The following CHRM2 variants were observed in gnomAD, a reference collection of about 807,000 sequenced individuals.
CHRM2 encodes muscarinic acetylcholine receptor M2.
A neutral mutation model predicts 25.0 loss-of-function variants in CHRM2; 8 were observed. That is an observed-to-expected ratio of 0.32 (90% CI 0.19 to 0.58). CHRM2 has a LOEUF of 0.58. Ranked by LOEUF, CHRM2 falls within the 20% of genes least tolerant of loss-of-function variation. CHRM2 has a pLI of 0.88. For missense variants in CHRM2, 440 were observed against 567.1 expected (o/e 0.78, Z 2.28); for synonymous variants, 202 against 205.7 (o/e 0.98, Z 0.15).
At chr7:136,956,071 A>G (rs1445757961) in intron 2 of CHRM2, among the ~76,000 whole-genome samples, 1 of 152,190 alleles carries the variant, frequency 6.6e-6, no homozygotes, top group Non-Finnish European at 1.5e-5. Context: ...ATTAGATTCC[A>G]GTTCACTCTG....
At chr7:137,010,581 C>T (rs150900124) in intron 3 of CHRM2, among the ~76,000 whole-genome samples, 30 of 152,036 alleles carry the variant, frequency 2.0e-4, no homozygotes, top group Non-Finnish European at 3.5e-4. Context: ...GGAAGAGGAA[C>T]GATTCCACAT....
At chr7:136,983,051 C>T (rs977852766) in intron 2 of CHRM2, among the ~76,000 whole-genome samples, 5 of 152,128 alleles carry the variant, frequency 3.3e-5, no homozygotes, top group Non-Finnish European at 7.3e-5. Context: ...AACTTGGTTC[C>T]GTTCTCCCCA....
At chr7:136,915,542 A>G (rs188698482) in intron 2 of CHRM2, among the ~76,000 whole-genome samples, 61 of 151,974 alleles carry the variant, frequency 4.0e-4, no homozygotes, top group Admixed American at 1.9e-3. Context: ...AAGTATTGGA[A>G]CATGTTCTAG....
chr7:136,978,604 C>T (rs540055315), intron 2 of CHRM2, among the ~76,000 whole-genome samples: 11 of 152,210 alleles, frequency 7.2e-5, no homozygotes, highest in African/African-American at 2.6e-4. Context: ...CTTCCCTTGA[C>T]CCACACCCCC....
At chr7:136,924,093 T>A (rs918168396) in intron 2 of CHRM2, among the ~76,000 whole-genome samples, 1 of 152,170 alleles carries the variant, frequency 6.6e-6, no homozygotes, top group Non-Finnish European at 1.5e-5. Flanking sequence ...CTTCTGCAAA[T>A]AAGCATGTTA....
chr7:136,896,578 G>T (rs1329590206), intron 2 of CHRM2, among the ~76,000 whole-genome samples: 1 of 152,072 alleles, frequency 6.6e-6, no homozygotes, highest in Non-Finnish European at 1.5e-5. Context: ...GTGTGTGTGT[G>T]TTTTCATATG....
rs570710034 is a variant in CHRM2 at position 136,915,260 on chromosome 7, G to A, written c.-125+45842G>A. On this transcript the variant is annotated intron_variant, in intron 2 of 3. Transcript: ENST00000680005. Reference sequence around the variant, plus strand: ...AGTAAAGTTAAATAATTTTCTTAAAGTTATAAAGTACAGTCTTACATTATC... The same window carrying A: ...AGTAAAGTTAAATAATTTTCTTAAAATTATAAAGTACAGTCTTACATTATC... 2.6e-5 allele frequency among the ~76,000 whole-genome samples: 4 copies of A among 152,002 alleles called. No homozygotes were observed. In the South Asian group the frequency reaches 6.2e-4, roughly 24 times the overall value.
chr7:137,010,369 C>T (rs1470630934), intron 3 of CHRM2, among the ~76,000 whole-genome samples: 1 of 152,070 alleles, frequency 6.6e-6, no homozygotes, highest in East Asian at 1.9e-4. Context: ...ACCAAATGGG[C>T]TATTGCTATA....
At chr7:136,876,243 G>C (rs1041121180) in intron 2 of CHRM2, among the ~76,000 whole-genome samples, 4 of 152,122 alleles carry the variant, frequency 2.6e-5, no homozygotes, top group Non-Finnish European at 4.4e-5. Flanking sequence ...ATTTACAAAG[G>C]AGTTAACTTA....
At chr7:136,895,780 T>C (rs974432982) in intron 2 of CHRM2, among the ~76,000 whole-genome samples, 1 of 152,204 alleles carries the variant, frequency 6.6e-6, no homozygotes, top group Non-Finnish European at 1.5e-5. Context: ...AATAAGGATT[T>C]GATTTCAGAA....
chr7:136,992,417 G>A lies in CHRM2; in HGVS notation c.-47+153G>A, dbSNP rs117893495. On this transcript the variant is annotated intron_variant, in intron 3 of 3. Coordinates refer to ENST00000680005, the MANE Select transcript of CHRM2 (RefSeq NM_001006630.2). The stretch of plus-strand genomic sequence containing the variant: ...TTATGAAATAATATTAATCTGGGTT[G>A]TCGTGTTAGGATATTTCTATTAACT... Among the ~76,000 whole-genome samples the A allele has an allele frequency of 6.4e-4, 97 of 152,262 alleles. 2 individuals carry two copies. In the East Asian group the frequency reaches 0.014, roughly 23 times the overall value.
At chr7:136,895,508 C>T (rs970711872) in intron 2 of CHRM2, among the ~76,000 whole-genome samples, 1 of 152,148 alleles carries the variant, frequency 6.6e-6, no homozygotes, top group Admixed American at 6.5e-5. Flanking sequence ...GGTGTTTCTG[C>T]TCTTTTGGCC....
intron 2 of CHRM2, among the ~76,000 whole-genome samples, chr7:136,883,251 T>A (rs1444124406): frequency 6.6e-6 from 1 of 152,156 alleles, no homozygotes; most frequent in Admixed American, 6.6e-5. Context: ...TTTTGGCATC[T>A]TTCCCTGTCT....
rs186623236 is a variant in CHRM2, at chr7:136,938,595, G to A, written c.-124-53592G>A. The A allele has an allele frequency of 7.2e-4, 636 of 880,764 alleles. 3 individuals carry two copies. In the African/African-American group the frequency reaches 9.2e-3, roughly 13 times the overall value. 54.6% of individuals were successfully genotyped at this position (880,764 alleles called of 1,614,324 possible). ...CCATAGCCGCTGCCCAGGCCACCCC[G>A]AAAGCTGCTGCTGTCCACTCGGGAG... On this transcript the variant is annotated intron_variant, in intron 2 of 3. Coordinates refer to ENST00000680005, the MANE Select transcript of CHRM2 (RefSeq NM_001006630.2).
intron 2 of CHRM2, among the ~76,000 whole-genome samples, chr7:136,930,920 A>AAAAAAAAAAAAAAAAAAAAAAAAAG: frequency 7.4e-6 from 1 of 135,522 alleles, no homozygotes; most frequent in Non-Finnish European, 1.5e-5. Context: ...AAAAAAAAAA[A>AAAAAAAAAAAAAAAAAAAAAAAAAG]AAAAAAAGGA....
intron 2 of CHRM2, among the ~76,000 whole-genome samples, chr7:136,886,588 C>T (rs1349196396): frequency 1.3e-5 from 2 of 152,224 alleles, no homozygotes; most frequent in Admixed American, 6.5e-5. Flanking sequence ...AATTCTGAGC[C>T]AGGCACAGTG....
intron 2 of CHRM2, among the ~76,000 whole-genome samples, chr7:136,948,541 G>A (rs138223035): frequency 7.5e-4 from 114 of 152,240 alleles, no homozygotes; most frequent in African/African-American, 2.4e-3. Flanking sequence ...AGCACTTAGC[G>A]GAATCAGAAG....
intron 3 of CHRM2, among the ~76,000 whole-genome samples, chr7:137,010,914 C>G (rs1584920968): frequency 1.3e-5 from 2 of 151,870 alleles, no homozygotes; most frequent in African/African-American, 4.8e-5. Flanking sequence ...GCAAGGGAAA[C>G]AGAGCGAGTG....
chr7:136,880,637 G>T (rs1297849432), intron 2 of CHRM2, among the ~76,000 whole-genome samples: 2 of 151,422 alleles, frequency 1.3e-5, no homozygotes, highest in African/African-American at 4.9e-5. Context: ...TTTTTTAATA[G>T]ACTTTATTTA....
Sources: gnomAD v4.1 joint callset for allele counts (sites outside exome capture counted in the v4.1 genomes callset) on GRCh38, gnomAD v4.1.1 for gene constraint, MANE v1.5 for transcripts, NCBI Gene and HGNC (gene_info 2026-07-23, HGNC 2026-07-21) for gene names.